KAZN: variants seen among roughly 807,000 people sequenced by gnomAD.
KAZN encodes kazrin.
Under a neutral mutation model 87.4 loss-of-function variants are expected in KAZN, and 40 were observed. That is an observed-to-expected ratio of 0.46 (90% CI 0.36 to 0.60). The LOEUF (loss-of-function observed/expected upper bound fraction) is 0.60. Ranked by LOEUF, KAZN falls within the 20% of genes least tolerant of loss-of-function variation. The pLI is 0.00. For missense variants in KAZN, 898 were observed against 1,073.9 expected (o/e 0.84, Z 2.29); for synonymous variants, 466 against 458.3 (o/e 1.02, Z -0.22).
chr1:14,078,477 C>T (rs1643547353), intron 1 of KAZN, among the ~76,000 whole-genome samples: 1 of 152,140 alleles, frequency 6.6e-6, no homozygotes, highest in African/African-American at 2.4e-5. Flanking sequence ...TGTCTTAGTC[C>T]ATTTGGGCTG....
intron 1 of KAZN, among the ~76,000 whole-genome samples, chr1:14,947,126 G>A (rs762110446): frequency 3.9e-5 from 6 of 152,212 alleles, no homozygotes; most frequent in East Asian, 1.9e-4. Flanking sequence ...TCTCCCGGCC[G>A]TTGTAAGGCC....
intron 1 of KAZN, among the ~76,000 whole-genome samples, chr1:14,023,093 C>T (rs1640921400): frequency 6.6e-6 from 1 of 152,028 alleles, no homozygotes; most frequent in South Asian, 2.1e-4. Flanking sequence ...GGTGGGAGGA[C>T]TGCTTGAGCC....
At chr1:14,239,980 T>TGCTGA (rs1648797306) in intron 2 of KAZN, among the ~76,000 whole-genome samples, 1 of 152,174 alleles carries the variant, frequency 6.6e-6, no homozygotes, top group Admixed American at 6.5e-5. Flanking sequence ...ATATTTGTAG[T>TGCTGA]GCTGAGCTTT....
At chr1:13,895,754 A>T (rs138536035) in intron 1 of KAZN, among the ~76,000 whole-genome samples, 1 of 152,302 alleles carries the variant, frequency 6.6e-6, no homozygotes, top group African/African-American at 2.4e-5. Flanking sequence ...AGTGAGAGGT[A>T]GCTACAGATC....
intron 1 of KAZN, among the ~76,000 whole-genome samples, chr1:13,905,367 A>G (rs1333617994): frequency 6.6e-6 from 1 of 152,220 alleles, no homozygotes; most frequent in Non-Finnish European, 1.5e-5. Flanking sequence ...GTTAATTTCC[A>G]GGCTGGATAT....
chr1:14,685,578 G>A (rs1640906846), intron 1 of KAZN, among the ~76,000 whole-genome samples: 1 of 152,224 alleles, frequency 6.6e-6, no homozygotes, highest in Admixed American at 6.5e-5. Flanking sequence ...GAGCATCTCT[G>A]CTCTTGCAGT....
At chr1:15,004,437 T>C (rs1197546694) in intron 2 of KAZN, among the ~76,000 whole-genome samples, 2 of 152,260 alleles carry the variant, frequency 1.3e-5, no homozygotes, top group Non-Finnish European at 2.9e-5. Flanking sequence ...TCAGCTTTGC[T>C]ACTTTCTAGC....
intron 1 of KAZN, among the ~76,000 whole-genome samples, chr1:14,894,541 G>C (rs1376768271): frequency 6.6e-6 from 1 of 152,236 alleles, no homozygotes; most frequent in Non-Finnish European, 1.5e-5. Context: ...GTTAACTGTC[G>C]ATGTGGCACA....
intron 1 of KAZN, among the ~76,000 whole-genome samples, chr1:14,842,753 T>C (rs77928668): frequency 0.055 from 8,359 of 152,308 alleles, 342 homozygotes; most frequent in Admixed American, 0.11. Context: ...TCTTATTTTT[T>C]AATTTTTACT....
chr1:14,466,421 A>T (rs967100526), intron 2 of KAZN, among the ~76,000 whole-genome samples: 2 of 152,142 alleles, frequency 1.3e-5, no homozygotes, highest in Non-Finnish European at 2.9e-5. Flanking sequence ...GCGTGTTCTC[A>T]CTTATAAGTG....
intron 2 of KAZN, among the ~76,000 whole-genome samples, chr1:14,259,074 C>T (rs2100645368): frequency 6.6e-6 from 1 of 152,072 alleles, no homozygotes; most frequent in East Asian, 2.0e-4. Flanking sequence ...GACAGATGAA[C>T]AAAGGCACAC....
At position 14,856,504 on chromosome 1, in the gene KAZN, A is replaced by G. The variant is rs1433839027; in HGVS notation, c.227-104180A>G. Among the ~76,000 whole-genome samples, 1 of 152,196 alleles carries G rather than the reference A, an allele frequency of 6.6e-6. No homozygotes were observed. The highest frequency in any genetic ancestry group is 2.4e-5 in the African/African-American group (1 of 41,448). ...GCTCTAAACACTTTTTTCCCTTTCA[A>G]TTGTTCCCCAGGAAGGTCACATAAA... On this transcript the variant is annotated intron_variant, in intron 1 of 14. Coordinates refer to ENST00000376030, the MANE Select transcript of KAZN (RefSeq NM_201628.3). The surrounding 1 kb of genome is among the most constrained non-coding windows in gnomAD (Gnocchi z 5.2).
At chr1:14,718,558 C>T (rs1193597793) in intron 1 of KAZN, among the ~76,000 whole-genome samples, 1 of 152,164 alleles carries the variant, frequency 6.6e-6, no homozygotes, top group Non-Finnish European at 1.5e-5. Flanking sequence ...TGTGATTCTC[C>T]TTTTTATGTG....
At chr1:14,523,543 C>T (rs889949542) in intron 2 of KAZN, among the ~76,000 whole-genome samples, 1 of 152,250 alleles carries the variant, frequency 6.6e-6, no homozygotes, top group Non-Finnish European at 1.5e-5. Flanking sequence ...ATAATTACCA[C>T]GAGGGACACT....
intron 8 of KAZN, among the ~76,000 whole-genome samples, chr1:15,085,048 G>GA (rs1208494423): frequency 6.6e-6 from 1 of 151,932 alleles, no homozygotes; most frequent in African/African-American, 2.4e-5. Context: ...TTTTAGAAAT[G>GA]AAAAAAATAT....
intron 1 of KAZN, among the ~76,000 whole-genome samples, chr1:14,889,656 C>T (rs1413979640): frequency 6.6e-6 from 1 of 152,228 alleles, no homozygotes; most frequent in African/African-American, 2.4e-5. Context: ...CCAGCTTTCT[C>T]TTGGCAAACT....
intron 2 of KAZN, among the ~76,000 whole-genome samples, chr1:14,997,102 T>G (rs1181881047): frequency 6.6e-6 from 1 of 152,148 alleles, no homozygotes; most frequent in African/African-American, 2.4e-5. Flanking sequence ...AGGTCCTTCC[T>G]GAATTTTCCC....
At chr1:14,040,271 C>T (rs1201360896) in intron 1 of KAZN, among the ~76,000 whole-genome samples, 1 of 152,022 alleles carries the variant, frequency 6.6e-6, no homozygotes, top group African/African-American at 2.4e-5. Flanking sequence ...ACAGCTGACT[C>T]TGTAACAGGA....
intron 2 of KAZN, among the ~76,000 whole-genome samples, chr1:14,500,241 T>C (rs1253266800): frequency 2.0e-5 from 3 of 151,894 alleles, no homozygotes; most frequent in African/African-American, 7.3e-5. Context: ...CCTGGGAGAG[T>C]CATATCCTAC....
Sources: allele counts gnomAD v4.1 joint callset (sites outside exome capture counted in the v4.1 genomes callset), GRCh38; gene constraint gnomAD v4.1.1; non-coding constraint Gnocchi (gnomAD v3.1); transcripts MANE v1.5; gene names NCBI Gene and HGNC (gene_info 2026-07-23, HGNC 2026-07-21).